Variants in CDC14B observed in about 807,000 individuals in gnomAD.
CDC14B encodes dual specificity protein phosphatase CDC14B.
In CDC14B, 22 loss-of-function variants were observed where a neutral mutation model predicts 64.2. The observed-to-expected ratio is 0.34, with a 90% CI of 0.24 to 0.49. CDC14B has a LOEUF of 0.49. CDC14B is among the 20% of genes least tolerant of loss of function. CDC14B has a pLI of 0.99. For synonymous variants in CDC14B, 191 were observed against 215.8 expected (o/e 0.89, Z 1.01); for missense variants, 498 against 629.9 (o/e 0.79, Z 2.24).
chr9:96,515,738 A>G lies in CDC14B; in HGVS notation c.1344-5949T>C, dbSNP rs1489856768. 4.4e-6 allele frequency: 7 copies of G among 1,607,236 alleles called. No individual in the cohort carries two copies. The Admixed American group carries it at 5.1e-5, about 12-fold the overall frequency. On this transcript the variant is annotated intron_variant, in intron 12 of 13. Transcript: ENST00000375241. This position sits in a 1 kb window ranked among gnomAD's most constrained non-coding sequence, Gnocchi z 4.3. ...GGATGGGAAGAATGTAGTCACAAAC[A>G]ATCCACCAGATGACAACACTACACA...
chr9:96,560,374 C>T (rs1254277099), intron 4 of CDC14B, among the ~76,000 whole-genome samples: 1 of 152,136 alleles, frequency 6.6e-6, no homozygotes, highest in Non-Finnish European at 1.5e-5. Flanking sequence ...CACCAAGGAC[C>T]ATTTCTCCAG....
chr9:96,581,058 T>C (rs1038804461), intron 1 of CDC14B, among the ~76,000 whole-genome samples: 8 of 151,936 alleles, frequency 5.3e-5, no homozygotes, highest in Non-Finnish European at 1.2e-4. Context: ...AGTGAAACCC[T>C]GTCTCTACTA....
At chr9:96,567,123 C>T (rs1042399225) in intron 1 of CDC14B, 2 of 570,480 alleles carry the variant, frequency 3.5e-6, no homozygotes, top group South Asian at 2.2e-5. Flanking sequence ...GAACGCGGGG[C>T]GGCCTGTGCC....
intron 1 of CDC14B, among the ~76,000 whole-genome samples, chr9:96,598,888 G>A (rs1754658316): frequency 6.6e-6 from 1 of 152,132 alleles, no homozygotes; most frequent in Non-Finnish European, 1.5e-5. Context: ...AAGATCTTTT[G>A]TATATTATAA....
chr9:96,539,142 TA>T lies in CDC14B; in HGVS notation c.565-3del, dbSNP rs1313218611. On this transcript the variant is annotated splice_region_variant and splice_polypyrimidine_tract_variant and intron_variant, in intron 6 of 13. Transcript: ENST00000375241. Reference sequence around the variant, plus strand: ...ATTAAGGAAGCCATACTGCATTGCCTAAAATCCAAAAGAAAGCTTTTAAGAA... The same window carrying T: ...ATTAAGGAAGCCATACTGCATTGCCTAAATCCAAAAGAAAGCTTTTAAGAA... 7 of 1,597,136 alleles carry T rather than the reference TA, an allele frequency of 4.4e-6. No homozygotes were observed. The highest frequency in any genetic ancestry group is 6.0e-6 in the Non-Finnish European group (7 of 1,165,752).
rs1226176092 is a variant in CDC14B at position 96,551,876 on chromosome 9, T to G, written c.421-4A>C. On this transcript the variant is annotated splice_polypyrimidine_tract_variant and splice_region_variant and intron_variant, in intron 4 of 13. Transcript: ENST00000375241. ...GGGTTCTCCCCAAATATATAACCTA[T>G]GTTTGAAAAAAGAAGAAAAAGGCAA... The G allele has an allele frequency of 6.3e-7, 1 of 1,595,772 alleles. No homozygotes were observed. Among genetic ancestry groups the G allele is most frequent in the Admixed American group, 1.8e-5 (1 of 55,194 alleles).
At chr9:96,507,545 A>G (rs1425890657) in intron 13 of CDC14B, among the ~76,000 whole-genome samples, 1 of 151,696 alleles carries the variant, frequency 6.6e-6, no homozygotes, top group African/African-American at 2.4e-5. Flanking sequence ...CCTCCCGAGT[A>G]GCTGGGATTA....
At chr9:96,607,569 T>C (rs1402604504) in intron 1 of CDC14B, among the ~76,000 whole-genome samples, 1 of 151,896 alleles carries the variant, frequency 6.6e-6, no homozygotes, top group East Asian at 1.9e-4. Flanking sequence ...TACAGGTGCC[T>C]GCCACCACGC....
At chr9:96,587,582 C>T (rs1211784778) in intron 1 of CDC14B, among the ~76,000 whole-genome samples, 1 of 152,220 alleles carries the variant, frequency 6.6e-6, no homozygotes, top group Admixed American at 6.5e-5. Context: ...GTTTCATAAA[C>T]AAGTGAATAT....
intron 1 of CDC14B, among the ~76,000 whole-genome samples, chr9:96,576,217 T>C (rs1588018540): frequency 6.6e-6 from 1 of 151,456 alleles, no homozygotes; most frequent in Non-Finnish European, 1.5e-5. Flanking sequence ...GAGACGGAGG[T>C]TGCAGTGAGC....
intron 12 of CDC14B, among the ~76,000 whole-genome samples, chr9:96,521,382 A>C (rs1289254801): frequency 1.3e-5 from 2 of 152,216 alleles, no homozygotes; most frequent in African/African-American, 2.4e-5. Context: ...CCTGGCCAAA[A>C]GGCACCATTT....
Position 96,522,599 on chromosome 9 carries a change from C to T in CDC14B, c.1250G>A (p.Ser417Asn), listed in dbSNP as rs1202983747. ...NQDQQEPEPY[S>N]DDDEINGVTQ... Reference sequence around the variant, plus strand: ...CACTCCATTGATTTCGTCATCATCACTGTACTGTGTAAGTAAAAAAACACT... The same window carrying T: ...CACTCCATTGATTTCGTCATCATCATTGTACTGTGTAAGTAAAAAAACACT... Residue 417 changes from serine to asparagine, a missense_variant, in exon 12 of 14, where the codon AGT becomes AAT. Ser to Asn is a conservative substitution (Grantham distance 46). Transcript: ENST00000375241. 6.2e-7 allele frequency: 1 copy of T among 1,603,772 alleles called. No individual in the cohort carries two copies. Among genetic ancestry groups the T allele is most frequent in the Non-Finnish European group, 8.5e-7 (1 of 1,170,624 alleles).
chr9:96,581,416 T>A (rs1212497263), intron 1 of CDC14B, among the ~76,000 whole-genome samples: 1 of 151,338 alleles, frequency 6.6e-6, no homozygotes, highest in East Asian at 1.9e-4. Context: ...CCACAGTGTG[T>A]TATGATTGCA....
chr9:96,583,465 C>T lies in CDC14B; in HGVS notation c.161-17982G>A, dbSNP rs1588030666. ...AGGCTGGAGTGCAATGGTGTGATCT[C>T]GGCTTACTGCAACCTCCACCTTCCG... On this transcript the variant is annotated intron_variant, in intron 1 of 13. Coordinates refer to ENST00000375241, the MANE Select transcript of CDC14B (RefSeq NM_033331.4). Among the ~76,000 whole-genome samples, 4 of 147,882 alleles carry T rather than the reference C, an allele frequency of 2.7e-5. No homozygotes were observed. In the South Asian group the frequency reaches 8.6e-4, roughly 32 times the overall value.
chr9:96,578,902 T>C (rs1017865624), intron 1 of CDC14B, among the ~76,000 whole-genome samples: 1 of 152,214 alleles, frequency 6.6e-6, no homozygotes, highest in African/African-American at 2.4e-5. Context: ...CACTGCAACC[T>C]CTGCCTCCTG....
At chr9:96,561,420 C>T (rs563794723) in intron 4 of CDC14B, among the ~76,000 whole-genome samples, 1 of 152,210 alleles carries the variant, frequency 6.6e-6, no homozygotes, top group South Asian at 2.1e-4. Context: ...GTAAGGCATG[C>T]CAGAGATAAG....
At chr9:96,609,144 A>G (rs567732474) in intron 1 of CDC14B, among the ~76,000 whole-genome samples, 1 of 152,164 alleles carries the variant, frequency 6.6e-6, no homozygotes, top group East Asian at 1.9e-4. Context: ...TTGTATTTTT[A>G]GTAGAGATGG....
At chr9:96,519,424 C>A (rs1437136230) in intron 12 of CDC14B, among the ~76,000 whole-genome samples, 2 of 152,024 alleles carry the variant, frequency 1.3e-5, no homozygotes, top group Non-Finnish European at 2.9e-5. Context: ...AACTCTCCCC[C>A]AAAACTGACC....
chr9:96,580,928 T>A (rs536456179), intron 1 of CDC14B, among the ~76,000 whole-genome samples: 66 of 152,320 alleles, frequency 4.3e-4, no homozygotes, highest in African/African-American at 1.5e-3. Flanking sequence ...TAAATTTATA[T>A]GTATAAAAAT....
Sources: gnomAD v4.1 joint callset for allele counts (sites outside exome capture counted in the v4.1 genomes callset) on GRCh38, gnomAD v4.1.1 for gene constraint, Gnocchi (gnomAD v3.1) non-coding constraint, MANE v1.5 for transcripts, NCBI Gene and HGNC (gene_info 2026-07-23, HGNC 2026-07-21) for gene names.